LRP8: variants seen among roughly 807,000 people sequenced by gnomAD.
The protein encoded by LRP8 is LDL receptor related protein 8, also known as low-density lipoprotein receptor-related protein 8.
A neutral mutation model predicts 111.6 loss-of-function variants in LRP8; 46 were observed. The ratio of observed to expected loss-of-function variants is 0.41; its 90% CI spans 0.33 to 0.53. LRP8 has a LOEUF of 0.53. Among genes scored for constraint, LRP8 ranks in the 20% least tolerant of loss-of-function variants. The pLI, the probability that LRP8 is intolerant of heterozygous loss-of-function variation, is 0.20. For missense variants in LRP8, 959 were observed against 1,297.4 expected (o/e 0.74, Z 4.01); for synonymous variants, 464 against 511.2 (o/e 0.91, Z 1.24).
At position 53,279,635 on chromosome 1, in the gene LRP8, A is replaced by G. The variant is rs1572524812; in HGVS notation, c.496+952T>C. Among the ~76,000 whole-genome samples, 1 of 152,202 alleles carries G rather than the reference A, an allele frequency of 6.6e-6. No homozygotes were observed. Among genetic ancestry groups the G allele is most frequent in the African/African-American group, 2.4e-5 (1 of 41,452 alleles). ...CTCAGACACCTCTGGAGGAGATGGC[A>G]TTTTCCCTGGGCCAGGAAAGATGGA... On this transcript the variant is annotated intron_variant, in intron 4 of 18. Transcript: ENST00000306052. The surrounding 1 kb of genome is among the most constrained non-coding windows in gnomAD (Gnocchi z 4.4).
chr1:53,278,253 A>G (rs1378165428), intron 4 of LRP8, among the ~76,000 whole-genome samples: 1 of 151,828 alleles, frequency 6.6e-6, no homozygotes, highest in African/African-American at 2.4e-5. Flanking sequence ...GAGTTTTTCC[A>G]GCTGTTTTTC....
In LRP8 at chr1:53,317,573, T is replaced by G. The variant is rs545156077; in HGVS notation, c.244+9300A>C. ...TGCTGCTGCCCTCTTGTTGTGTCCT[T>G]GGTGGAGGAGGAGGAAAGCTGAGGA... On this transcript the variant is annotated intron_variant, in intron 2 of 18. Transcript: ENST00000306052. This position sits in a 1 kb window ranked among gnomAD's most constrained non-coding sequence, Gnocchi z 4.9. Among the ~76,000 whole-genome samples the G allele has an allele frequency of 6.6e-6, 1 of 152,196 alleles. No homozygotes were observed. Among genetic ancestry groups the G allele is most frequent in the East Asian group, 1.9e-4 (1 of 5,192 alleles).
chr1:53,280,831 G>T, intron 3 of LRP8, 116 bp from the exon 4 acceptor site: 1 of 1,288,674 alleles, frequency 7.8e-7, no homozygotes, highest in Non-Finnish European at 1.1e-6. Context: ...GTCCATCAGG[G>T]CTCTTCTGGC....
intron 1 of LRP8, 99 bp from the exon 2 acceptor site, chr1:53,327,091 A>T: frequency 2.0e-6 from 3 of 1,524,964 alleles, no homozygotes; most frequent in East Asian, 4.6e-5. Flanking sequence ...GGAGGAGGAA[A>T]GGGGGCGATT....
chr1:53,254,304 C>A (rs1419698722), intron 16 of LRP8, among the ~76,000 whole-genome samples: 5 of 151,928 alleles, frequency 3.3e-5, no homozygotes, highest in African/African-American at 7.3e-5. Flanking sequence ...AGCTCTAAAC[C>A]CACCCCACCC....
chr1:53,264,470 T>C (rs2100385662), intron 9 of LRP8, 74 bp from the exon 10 acceptor site: 1 of 1,139,140 alleles, frequency 8.8e-7, no homozygotes, highest in South Asian at 1.4e-5. Context: ...CTGTGCACCC[T>C]TCCCCTCTCT....
rs1444065805 is a variant in LRP8, at chr1:53,276,797, C to G, written c.778G>C (p.Ala260Pro). Residue 260 changes from alanine (A) to proline (P), a missense_variant, in exon 5 of 19, where the codon GCC (alanine) becomes CCC (proline). Around this residue, in one of 3 missense-constraint regions of LRP8, gnomAD observed 819 missense variants for 1,097.6 expected, o/e 0.75. Coordinates refer to ENST00000306052, the MANE Select transcript of LRP8 (RefSeq NM_004631.5). ...CGGCAGGCGAACTGGGAGGCGGTGG[C>G]GCAGGCGGCGGGCGCGGACGTGGCC... Reference protein sequence around the residue: ...PGATSAPAACATASQFACRSG... With the variant: ...PGATSAPAACPTASQFACRSG... 5 of 1,351,178 alleles carry G rather than the reference C, an allele frequency of 3.7e-6. No homozygotes were observed. The highest frequency in any genetic ancestry group is 4.8e-6 in the Non-Finnish European group (5 of 1,047,324). The allele number at this position is 1,351,178 out of a possible 1,614,324, so 83.7% of individuals were successfully genotyped here.
intron 8 of LRP8, among the ~76,000 whole-genome samples, chr1:53,269,612 C>T (rs1231203598): frequency 6.6e-6 from 1 of 152,122 alleles, no homozygotes; most frequent in Non-Finnish European, 1.5e-5. Context: ...ACCACACCCA[C>T]CCCCCTTCAC....
intron 2 of LRP8, among the ~76,000 whole-genome samples, chr1:53,315,962 T>C (rs1653736652): frequency 6.6e-6 from 1 of 150,988 alleles, no homozygotes; most frequent in Non-Finnish European, 1.5e-5. Flanking sequence ...GGGCAAGGCA[T>C]GGTGGGGGAG....
rs1035997160 is a variant in LRP8 at position 53,327,961 on chromosome 1, G to C, written c.-49C>G. 10 of 1,057,494 alleles carry C rather than the reference G, an allele frequency of 9.5e-6. No individual in the cohort carries two copies. The African/African-American group carries it at 1.0e-4, about 11-fold the overall frequency. The allele number at this position is 1,057,494 out of a possible 1,614,324, so 65.5% of individuals were successfully genotyped here. A position where few individuals can be genotyped will look rare whatever the true frequency, so the allele number is the denominator to read the frequency against. ...CGCGCCCCGCGCTCCCCGCGCCGCC[G>C]CCGCCGCGTCTCAGCCCTCCGAGTC... On this transcript the variant is annotated 5_prime_UTR_variant, in exon 1 of 19. Coordinates refer to ENST00000306052, the MANE Select transcript of LRP8 (RefSeq NM_004631.5).
chr1:53,299,273 G>T (rs1212609801), intron 2 of LRP8, among the ~76,000 whole-genome samples: 1 of 152,194 alleles, frequency 6.6e-6, no homozygotes, highest in African/African-American at 2.4e-5. Context: ...TCTGATGTCA[G>T]CAGTGGGTCG....
chr1:53,277,080 T>G lies in LRP8; in HGVS notation c.497-2A>C, dbSNP rs1230803441. ...ACTGGAACTCGTGCGGGGCGCACACTGCGCGGGACAGAGAGCCGGTCGGCC... is the reference window on the plus strand; with the variant it reads ...ACTGGAACTCGTGCGGGGCGCACACGGCGCGGGACAGAGAGCCGGTCGGCC... On this transcript the variant is annotated splice_acceptor_variant, in intron 4 of 18. Transcript: ENST00000306052. LOFTEE classifies it high-confidence loss of function. The G allele has an allele frequency of 6.7e-7, 1 of 1,500,984 alleles. No homozygotes were observed. The highest frequency in any genetic ancestry group is 2.1e-5 in the Admixed American group (1 of 47,026). The allele number at this position is 1,500,984 out of a possible 1,614,324, so 93.0% of individuals were successfully genotyped here. A position where few individuals can be genotyped will look rare whatever the true frequency, so the allele number is the denominator to read the frequency against.
chr1:53,269,638 A>G (rs1216815552), intron 8 of LRP8, among the ~76,000 whole-genome samples: 1 of 151,916 alleles, frequency 6.6e-6, no homozygotes, highest in African/African-American at 2.4e-5. Flanking sequence ...TTACTCAAAT[A>G]CCTTCTCAGT....
At position 53,262,123 on chromosome 1, in the gene LRP8, G is replaced by T; in HGVS notation, c.1859C>A (p.Thr620Lys). ...SIDFSGGNRKTLISSTDFLSH... is the reference protein window; with the variant it reads ...SIDFSGGNRKKLISSTDFLSH... ...CAGGAAGTCAGTGGAGGAGATCAGCGTCTTTCTGTTGCCTCCACTGAAGTC... is the reference window on the plus strand; with the variant it reads ...CAGGAAGTCAGTGGAGGAGATCAGCTTCTTTCTGTTGCCTCCACTGAAGTC... Residue 620 changes from threonine to lysine, a missense_variant, in exon 12 of 19, where the codon ACG (threonine) becomes AAG (lysine). Thr to Lys is a moderately conservative substitution (Grantham distance 78). Around this residue, in one of 3 missense-constraint regions of LRP8, gnomAD observed 819 missense variants for 1,097.6 expected, o/e 0.75. Coordinates refer to ENST00000306052, the MANE Select transcript of LRP8 (RefSeq NM_004631.5). The surrounding 1 kb of genome is among the most constrained non-coding windows in gnomAD (Gnocchi z 4.8). 6.2e-7 allele frequency: 1 copy of T among 1,614,170 alleles called. No homozygotes were observed. Among genetic ancestry groups the T allele is most frequent in the Non-Finnish European group, 8.5e-7 (1 of 1,180,042 alleles).
At position 53,275,738 on chromosome 1, in the gene LRP8, C is replaced by T. The variant is rs143898843; in HGVS notation, c.899G>A (p.Arg300His). The change falls in exon 6 of 19, where the codon CGT becomes CAT. Residue 300 changes from arginine (R) to histidine (H), a missense_variant. By Grantham distance (29) the Arg-to-His change is conservative (BLOSUM62 0). Transcript: ENST00000306052. This position sits in a 1 kb window ranked among gnomAD's most constrained non-coding sequence, Gnocchi z 4.4. Reference protein sequence around the residue: ...DEADCPLGTCRGDEFQCGDGT... With the variant: ...DEADCPLGTCHGDEFQCGDGT... ...ATCCCCACACTGGAACTCGTCCCCA[C>T]GGCAGGTGCCCAGTGCTGCCAGGAG... The T allele has an allele frequency of 7.4e-5, 120 of 1,614,014 alleles. 1 individual carries two copies. In the African/African-American group the frequency reaches 9.3e-4, roughly 13 times the overall value.
chr1:53,320,037 TCA>T (rs904165099), intron 2 of LRP8, among the ~76,000 whole-genome samples: 3 of 152,282 alleles, frequency 2.0e-5, no homozygotes, highest in African/African-American at 7.2e-5. Context: ...ACTTCATCTC[TCA>T]GAGTCTTGGT....
chr1:53,289,748 G>C (rs1006494451), intron 2 of LRP8, 59 bp from the exon 3 acceptor site: 1 of 1,598,172 alleles, frequency 6.3e-7, no homozygotes, highest in Non-Finnish European at 8.5e-7. Context: ...GTGGTGGGCC[G>C]ACCAGGATGT....
At chr1:53,292,738 C>T (rs1157963510) in intron 2 of LRP8, among the ~76,000 whole-genome samples, 2 of 152,222 alleles carry the variant, frequency 1.3e-5, no homozygotes, top group Admixed American at 1.3e-4. Context: ...GCTATGTACT[C>T]ATTTGACATA....
intron 3 of LRP8, 42 bp downstream of exon 3, chr1:53,289,525 A>G (rs1334569548): frequency 6.4e-7 from 1 of 1,561,802 alleles, no homozygotes; most frequent in African/African-American, 1.4e-5. Flanking sequence ...CTGAGGAGGA[A>G]ACTGAGGCCC....
Sources: allele counts gnomAD v4.1 joint callset (sites outside exome capture counted in the v4.1 genomes callset), GRCh38; gene constraint gnomAD v4.1.1; regional missense constraint gnomAD v4.1.1; non-coding constraint Gnocchi (gnomAD v3.1); transcripts MANE v1.5; gene names NCBI Gene and HGNC (gene_info 2026-07-23, HGNC 2026-07-21).